Variants in GRID2 observed in about 807,000 individuals in gnomAD.
The protein encoded by GRID2 is glutamate ionotropic receptor delta type subunit 2.
Under a neutral mutation model 114.8 loss-of-function variants are expected in GRID2, and 33 were observed. The observed-to-expected ratio is 0.29, with a 90% confidence interval of 0.22 to 0.38. The LOEUF is 0.38. GRID2 is among the 10% of genes least tolerant of loss of function. The pLI, the probability that GRID2 is intolerant of heterozygous loss-of-function variation, is 1.00. For missense variants in GRID2, 1,184 were observed against 1,257.7 expected, an observed-to-expected ratio of 0.94 and a Z score of 0.89; for synonymous variants, 505 against 449.9, an observed-to-expected ratio of 1.12 and a Z score of -1.55.
chr4:92,943,020 G>A (rs1046894496), intron 2 of GRID2, among the ~76,000 whole-genome samples: 4 of 152,040 alleles, frequency 2.6e-5, no homozygotes, highest in East Asian at 1.9e-4. Flanking sequence ...CTTCATTTCA[G>A]CTTTGGTGAA....
At chr4:92,683,719 A>T (rs563037320) in intron 2 of GRID2, among the ~76,000 whole-genome samples, 5 of 152,102 alleles carry the variant, frequency 3.3e-5, no homozygotes, top group Middle Eastern at 3.4e-3. Flanking sequence ...AAATAAAAGG[A>T]TAGAAAAATA....
intron 4 of GRID2, among the ~76,000 whole-genome samples, chr4:93,142,374 C>A (rs1326554094): frequency 6.6e-6 from 1 of 152,138 alleles, no homozygotes; most frequent in Non-Finnish European, 1.5e-5. Flanking sequence ...GATCAAGGTG[C>A]TGGAAGAAAT....
At chr4:93,769,515 C>T (rs1733947736) in intron 15 of GRID2, 65 bp downstream of exon 15, 2 of 1,528,930 alleles carry the variant, frequency 1.3e-6, no homozygotes, top group Admixed American at 3.4e-5. Context: ...CAGGGAGGAC[C>T]ATCCCAGGGA....
intron 5 of GRID2, 57 bp from the exon 6 acceptor site, chr4:93,216,681 T>C: frequency 9.1e-7 from 1 of 1,095,640 alleles, no homozygotes. Flanking sequence ...TCATAATAGG[T>C]TTGTGTTTTG....
intron 8 of GRID2, among the ~76,000 whole-genome samples, chr4:93,360,428 A>G (rs17020506): frequency 0.046 from 6,936 of 152,078 alleles, 182 homozygotes; most frequent in South Asian, 0.068. Flanking sequence ...TCTGAGATCA[A>G]TTTGGCTTTA....
At chr4:93,399,652 T>C (rs999190154) in intron 9 of GRID2, among the ~76,000 whole-genome samples, 1 of 152,108 alleles carries the variant, frequency 6.6e-6, no homozygotes, top group Non-Finnish European at 1.5e-5. Context: ...TCACTCATAG[T>C]AGTAGTGAGC....
rs1389465462 is a variant in GRID2, at chr4:93,608,708, T to A, written c.2194-17561T>A. On this transcript the variant is annotated intron_variant, in intron 13 of 15. Coordinates refer to ENST00000282020, the MANE Select transcript of GRID2 (RefSeq NM_001510.4). ...TGCCCCATTTTCTTAATCTAGTCTA[T>A]CATTGTTGGACATTTGGGTTGGTTC... 2.9e-5 allele frequency among the ~76,000 whole-genome samples: 4 copies of A among 137,306 alleles called. 1 individual carries two copies. Among genetic ancestry groups the A allele is most frequent in the Admixed American group, 2.9e-4 (4 of 13,994 alleles). The allele number at this position is 137,306 out of a possible 152,430, so 90.1% of individuals were successfully genotyped here.
At chr4:92,705,398 T>C (rs1280215706) in intron 2 of GRID2, among the ~76,000 whole-genome samples, 3 of 152,210 alleles carry the variant, frequency 2.0e-5, no homozygotes, top group Non-Finnish European at 4.4e-5. Context: ...TTGAAAGTGC[T>C]TAAGAAATAT....
chr4:92,896,017 T>G (rs1258397432), intron 2 of GRID2, among the ~76,000 whole-genome samples: 3 of 152,188 alleles, frequency 2.0e-5, no homozygotes, highest in African/African-American at 7.2e-5. Flanking sequence ...TATTTTTGAT[T>G]TAGGGACAGT....
intron 2 of GRID2, among the ~76,000 whole-genome samples, chr4:92,929,631 A>C (rs28437144): frequency 0.016 from 2,472 of 151,488 alleles, 73 homozygotes; most frequent in African/African-American, 0.056. Context: ...TATTTGATAA[A>C]GTCTTCTTAA....
At chr4:93,725,237 G>A (rs1333464433) in intron 14 of GRID2, among the ~76,000 whole-genome samples, 1 of 152,110 alleles carries the variant, frequency 6.6e-6, no homozygotes, top group Non-Finnish European at 1.5e-5. Flanking sequence ...TGCGGTGTTT[G>A]GTTTTCTGTC....
At chr4:92,604,767 C>T (rs1279184262) in intron 2 of GRID2, among the ~76,000 whole-genome samples, 2 of 152,054 alleles carry the variant, frequency 1.3e-5, no homozygotes, top group East Asian at 3.9e-4. Flanking sequence ...TGTCCTTCAG[C>T]TTACCCACAA....
At chr4:92,666,222 T>G (rs900485563) in intron 2 of GRID2, among the ~76,000 whole-genome samples, 3 of 133,786 alleles carry the variant, frequency 2.2e-5, no homozygotes, top group African/African-American at 5.3e-5. Flanking sequence ...TTCATTTCAG[T>G]TATTATACTT....
In GRID2 at chr4:92,784,032, C is replaced by A. The variant is rs183634492; in HGVS notation, c.244+193746C>A. 4.6e-5 allele frequency among the ~76,000 whole-genome samples: 7 copies of A among 152,024 alleles called. No individual in the cohort carries two copies. The East Asian group carries it at 1.4e-3, about 30-fold the overall frequency. ...TTCATATGTTCTTAATATTAACAAA[C>A]TTATCTGAATTTTACCCTTGGGAAT... On this transcript the variant is annotated intron_variant, in intron 2 of 15. Coordinates refer to ENST00000282020, the MANE Select transcript of GRID2 (RefSeq NM_001510.4).
At chr4:93,077,418 C>A (rs1185068960) in intron 2 of GRID2, among the ~76,000 whole-genome samples, 3 of 152,104 alleles carry the variant, frequency 2.0e-5, no homozygotes, top group Non-Finnish European at 4.4e-5. Flanking sequence ...ATTATTCTTA[C>A]TTTTATGGGA....
intron 8 of GRID2, among the ~76,000 whole-genome samples, chr4:93,289,654 A>G (rs72874914): frequency 0.034 from 5,226 of 152,284 alleles, 312 homozygotes; most frequent in African/African-American, 0.12. Flanking sequence ...CAATGAATAT[A>G]AGTTGTAATA....
chr4:93,626,224 C>T (rs1370212516), intron 13 of GRID2, 45 bp from the exon 14 acceptor site: 17 of 1,107,456 alleles, frequency 1.5e-5, no homozygotes, highest in Non-Finnish European at 2.1e-5. Flanking sequence ...ATTAAAATTC[C>T]AACTTTAAAC....
intron 8 of GRID2, among the ~76,000 whole-genome samples, chr4:93,283,090 T>C (rs1347985515): frequency 1.3e-5 from 2 of 152,010 alleles, no homozygotes; most frequent in Admixed American, 6.6e-5. Flanking sequence ...GGAATAAACA[T>C]CCAAACCATA....
At position 93,515,758 on chromosome 4, in the gene GRID2, A is replaced by G. The variant is rs140130080; in HGVS notation, c.2193+347A>G. On this transcript the variant is annotated intron_variant, in intron 13 of 15. Coordinates refer to ENST00000282020, the MANE Select transcript of GRID2 (RefSeq NM_001510.4). ...CATTCAAGTTATCTGATTCTTTTAA[A>G]TGACTCAGGGTATTTTCTACACTAC... is the stretch of plus-strand genomic sequence containing the variant. 2.6e-4 allele frequency among the ~76,000 whole-genome samples: 40 copies of G among 152,268 alleles called. No individual in the cohort carries two copies. In the East Asian group the frequency reaches 7.7e-3, roughly 29 times the overall value.
Sources: allele counts gnomAD v4.1 joint callset (sites outside exome capture counted in the v4.1 genomes callset), GRCh38; gene constraint gnomAD v4.1.1; transcripts MANE v1.5; gene names NCBI Gene and HGNC (gene_info 2026-07-23, HGNC 2026-07-21).